EHMT1: variants seen among roughly 807,000 people sequenced by gnomAD.
EHMT1 encodes the protein euchromatic histone lysine methyltransferase 1.
A neutral mutation model predicts 147.2 loss-of-function variants in EHMT1; 15 were observed. The observed-to-expected ratio is 0.10, with a 90% CI of 0.07 to 0.16. The LOEUF (loss-of-function observed/expected upper bound fraction) is 0.16, where lower values mean the gene tolerates loss of function less well. EHMT1 is among the 10% of genes least tolerant of loss of function. The probability of loss-of-function intolerance (pLI) is 1.00; values close to 1 mark genes in which losing one functional copy is unlikely to be tolerated. For missense variants in EHMT1, 1,587 were observed against 1,772.4 expected (o/e 0.90, Z 1.88); for synonymous variants, 795 against 709.6 (o/e 1.12, Z -1.91).
chr9:137,691,257 T>C (rs1256803366), intron 1 of EHMT1, among the ~76,000 whole-genome samples: 3 of 151,724 alleles, frequency 2.0e-5, no homozygotes, highest in Non-Finnish European at 2.9e-5. Flanking sequence ...ATCTGTGTTA[T>C]AGGATGTGTC....
chr9:137,638,433 T>C (rs1483628191), intron 1 of EHMT1: 2 of 152,132 alleles, frequency 1.3e-5, no homozygotes, highest in Non-Finnish European at 2.9e-5. Context: ...TTAGTAGAGA[T>C]GATGTCTCAC....
intron 1 of EHMT1, among the ~76,000 whole-genome samples, chr9:137,626,983 A>C (rs947218365): frequency 6.6e-6 from 1 of 151,166 alleles, no homozygotes; most frequent in Non-Finnish European, 1.5e-5. Flanking sequence ...TTTGAGACGG[A>C]GTCTCGCTTT....
chr9:137,700,316 G>A (rs1943731075), intron 1 of EHMT1, among the ~76,000 whole-genome samples: 1 of 152,170 alleles, frequency 6.6e-6, no homozygotes, highest in African/African-American at 2.4e-5. Context: ...GCAGCATGGG[G>A]TCTGAGTTCT....
chr9:137,640,386 C>T (rs1844401461), intron 1 of EHMT1, among the ~76,000 whole-genome samples: 2 of 152,194 alleles, frequency 1.3e-5, no homozygotes, highest in African/African-American at 4.8e-5. Context: ...AAGCAGTCCT[C>T]CCACCTTGGC....
intron 25 of EHMT1, among the ~76,000 whole-genome samples, chr9:137,821,169 C>A (rs1169876239): frequency 6.6e-6 from 1 of 152,136 alleles, no homozygotes; most frequent in Non-Finnish European, 1.5e-5. Flanking sequence ...AGCCACTGTG[C>A]CTGGCTGCGC....
At chr9:137,807,800 A>T (rs1013136752) in intron 18 of EHMT1, among the ~76,000 whole-genome samples, 1 of 152,038 alleles carries the variant, frequency 6.6e-6, no homozygotes, top group East Asian at 1.9e-4. Flanking sequence ...GAGCCACCTC[A>T]CCCAGCCCAC....
At chr9:137,643,444 C>T (rs930859547) in intron 1 of EHMT1, among the ~76,000 whole-genome samples, 1 of 149,618 alleles carries the variant, frequency 6.7e-6, no homozygotes, top group Non-Finnish European at 1.5e-5. Context: ...AGGTTCACGC[C>T]ATCCTCCTGC....
In EHMT1 at chr9:137,640,249, T is replaced by G. The variant is rs191821970; in HGVS notation, c.21+21200T>G. On this transcript the variant is annotated intron_variant, in intron 1 of 26. Transcript: ENST00000460843. ...CGTGCCTGGCCTGTAACCTTATTTT[T>G]TAAAGCTTTTAATTTTAATTTTTGT... Among the ~76,000 whole-genome samples, 21 of 152,214 alleles carry G rather than the reference T, an allele frequency of 1.4e-4. No homozygotes were observed. In the East Asian group the frequency reaches 3.7e-3, roughly 27 times the overall value.
chr9:137,788,027 G>A (rs894893299), intron 15 of EHMT1: 27 of 1,408,930 alleles, frequency 1.9e-5, no homozygotes, highest in African/African-American at 2.8e-5. Flanking sequence ...TAGGCTCCGG[G>A]AAGAGGGTTG....
intron 1 of EHMT1, among the ~76,000 whole-genome samples, chr9:137,666,672 C>G (rs936192190): frequency 2.0e-5 from 3 of 152,226 alleles, no homozygotes; most frequent in African/African-American, 7.2e-5. Context: ...AACAGAGCCT[C>G]CCCCTCGGAG....
At chr9:137,638,529 G>A (rs761319609) in intron 1 of EHMT1, 2 of 152,170 alleles carry the variant, frequency 1.3e-5, no homozygotes, top group African/African-American at 4.8e-5. Context: ...GCAGGCATGA[G>A]CCACTGCACC....
intron 21 of EHMT1, 56 bp from the exon 22 acceptor site, chr9:137,814,375 G>A: frequency 6.4e-7 from 1 of 1,570,526 alleles, no homozygotes. Flanking sequence ...GTGACTGGGA[G>A]GGGAAATGGA....
At chr9:137,779,254 C>T (rs775273358) in intron 13 of EHMT1, among the ~76,000 whole-genome samples, 14 of 152,246 alleles carry the variant, frequency 9.2e-5, no homozygotes, top group African/African-American at 2.7e-4. Flanking sequence ...CTCGTGACCA[C>T]GCTGTGTGGG....
chr9:137,801,211 G>C (rs1953456280), intron 18 of EHMT1, among the ~76,000 whole-genome samples: 1 of 152,332 alleles, frequency 6.6e-6, no homozygotes. Flanking sequence ...CGGGTTCAGA[G>C]GGCGCTGCAC....
chr9:137,792,576 G>A (rs1278367067), intron 16 of EHMT1, among the ~76,000 whole-genome samples: 4 of 152,128 alleles, frequency 2.6e-5, no homozygotes, highest in Non-Finnish European at 4.4e-5. Flanking sequence ...GTGGTGATGG[G>A]TGCCTGTAAT....
intron 6 of EHMT1, among the ~76,000 whole-genome samples, chr9:137,750,432 G>A (rs1948874538): frequency 6.6e-6 from 1 of 152,130 alleles, no homozygotes; most frequent in Non-Finnish European, 1.5e-5. Context: ...AAAGTTAGTT[G>A]TAATTTCTTA....
chr9:137,768,457 G>A (rs1216765487), intron 10 of EHMT1, among the ~76,000 whole-genome samples: 1 of 139,246 alleles, frequency 7.2e-6, no homozygotes, highest in African/African-American at 2.6e-5. Flanking sequence ...AGGTTCAAGC[G>A]ATTCTTTTGC....
At chr9:137,802,701 C>A (rs1253319511) in intron 18 of EHMT1, 3 of 708,748 alleles carry the variant, frequency 4.2e-6, no homozygotes, top group African/African-American at 3.7e-5. Context: ...GGACCACTGG[C>A]TGTGGGCACC....
intron 16 of EHMT1, among the ~76,000 whole-genome samples, chr9:137,794,357 C>T (rs1374546733): frequency 1.3e-5 from 2 of 152,080 alleles, no homozygotes; most frequent in African/African-American, 4.8e-5. Context: ...TCAAAGTAGG[C>T]AAACATTTGG....
Sources: allele counts gnomAD v4.1 joint callset (sites outside exome capture counted in the v4.1 genomes callset), GRCh38; gene constraint gnomAD v4.1.1; transcripts MANE v1.5; gene names NCBI Gene and HGNC (gene_info 2026-07-23, HGNC 2026-07-21).